The following TMEM108 variants were observed in gnomAD, a reference collection of about 807,000 sequenced individuals.
TMEM108 encodes cancer/testis antigen 124.
In TMEM108, 12 loss-of-function variants were observed where a neutral mutation model predicts 35.1. That is an observed-to-expected ratio of 0.34 (90% CI 0.22 to 0.55). The LOEUF is 0.55. Among genes scored for constraint, TMEM108 ranks in the 20% least tolerant of loss-of-function variants. TMEM108 has a pLI of 0.89. For synonymous variants in TMEM108, 287 were observed against 308.6 expected (o/e 0.93, Z 0.73); for missense variants, 680 against 753.3 (o/e 0.90, Z 1.14).
At chr3:133,226,166 T>C (rs1298998451) in intron 2 of TMEM108, among the ~76,000 whole-genome samples, 3 of 152,208 alleles carry the variant, frequency 2.0e-5, no homozygotes, top group Non-Finnish European at 4.4e-5. Context: ...GAAAGGAGTG[T>C]CTGGGTTAAG....
chr3:133,154,904 A>G (rs894243606), intron 2 of TMEM108, among the ~76,000 whole-genome samples: 2 of 152,140 alleles, frequency 1.3e-5, no homozygotes, highest in Non-Finnish European at 2.9e-5. Context: ...TTAGGTTTGG[A>G]GGTACATGTG....
chr3:133,182,753 C>T (rs1945365391), intron 2 of TMEM108, among the ~76,000 whole-genome samples: 1 of 152,180 alleles, frequency 6.6e-6, no homozygotes, highest in Admixed American at 6.5e-5. Flanking sequence ...AAGGAAGATA[C>T]CTCTTGTGTA....
intron 3 of TMEM108, among the ~76,000 whole-genome samples, chr3:133,355,733 G>C (rs1397319157): frequency 6.6e-6 from 1 of 152,122 alleles, no homozygotes; most frequent in Non-Finnish European, 1.5e-5. Flanking sequence ...CAAAAAGATT[G>C]GCAGTTACAC....
At chr3:133,126,478 G>GA (rs755936784) in intron 2 of TMEM108, among the ~76,000 whole-genome samples, 2,662 of 119,634 alleles carry the variant, frequency 0.022, 93 homozygotes, top group African/African-American at 0.073. Context: ...GCCCCCCCCA[G>GA]AAAAAAAAAA....
intron 2 of TMEM108, among the ~76,000 whole-genome samples, chr3:133,135,745 C>T (rs1199509396): frequency 3.9e-5 from 6 of 152,064 alleles, no homozygotes; most frequent in East Asian, 1.9e-4. Flanking sequence ...GACATTCGTG[C>T]GGTAAAATCT....
chr3:133,386,777 G>A lies in TMEM108; in HGVS notation c.1451-3403G>A, dbSNP rs371973624. On this transcript the variant is annotated intron_variant, in intron 4 of 5. Coordinates refer to ENST00000321871, the MANE Select transcript of TMEM108 (RefSeq NM_023943.4). ...TGCATATGTCATCTCTATACCCTCC[G>A]GTGTTCAGGACAATACAGGATAGTG... 2.0e-4 allele frequency: 216 copies of A among 1,065,912 alleles called. 5 individuals are homozygous for A. The South Asian group carries it at 5.8e-3, about 29-fold the overall frequency. 66.0% of individuals were successfully genotyped at this position (1,065,912 alleles called of 1,614,324 possible). A position where few individuals can be genotyped will look rare whatever the true frequency, so the allele number is the denominator to read the frequency against.
intron 3 of TMEM108, among the ~76,000 whole-genome samples, chr3:133,332,564 G>C (rs1490721736): frequency 6.6e-6 from 1 of 152,196 alleles, no homozygotes; most frequent in Non-Finnish European, 1.5e-5. Context: ...AGGTAAAATA[G>C]TGTTAGAACA....
At chr3:133,256,896 C>G (rs1946555380) in intron 3 of TMEM108, 2 of 152,116 alleles carry the variant, frequency 1.3e-5, no homozygotes, top group African/African-American at 4.8e-5. Flanking sequence ...AATGCAAAAG[C>G]CAGAAAATGA....
intron 2 of TMEM108, among the ~76,000 whole-genome samples, chr3:133,142,925 T>C (rs568814020): frequency 6.6e-6 from 1 of 152,318 alleles, no homozygotes; most frequent in Non-Finnish European, 1.5e-5. Context: ...GAAGAGGTTA[T>C]ATCTTGAATA....
intron 2 of TMEM108, among the ~76,000 whole-genome samples, chr3:133,154,044 TA>T (rs200413061): frequency 4.0e-4 from 60 of 151,810 alleles, no homozygotes; most frequent in Non-Finnish European, 6.8e-4. Context: ...TTTCGTTTTT[TA>T]AAAAAAAATT....
intron 2 of TMEM108, among the ~76,000 whole-genome samples, chr3:133,198,972 T>G (rs1945620374): frequency 6.6e-6 from 1 of 152,208 alleles, no homozygotes; most frequent in African/African-American, 2.4e-5. Flanking sequence ...CCATATTTCT[T>G]GGAGGCTTCG....
chr3:133,142,468 G>C lies in TMEM108; in HGVS notation c.-46-86798G>C, dbSNP rs113007404. Among the ~76,000 whole-genome samples, 167 of 152,260 alleles carry C rather than the reference G, an allele frequency of 1.1e-3. 2 individuals carry two copies. The highest frequency in any genetic ancestry group is 3.8e-3 in the African/African-American group (157 of 41,530). ...AGAGCAAGTATGTTTGTCAAGGTCC[G>C]TGAGAACATTACCTGCTCAGGGTGG... On this transcript the variant is annotated intron_variant, in intron 2 of 5. Coordinates refer to ENST00000321871, the MANE Select transcript of TMEM108 (RefSeq NM_023943.4).
At chr3:133,153,900 T>G (rs1944837946) in intron 2 of TMEM108, among the ~76,000 whole-genome samples, 1 of 152,130 alleles carries the variant, frequency 6.6e-6, no homozygotes, top group Non-Finnish European at 1.5e-5. Flanking sequence ...TAGTCACACT[T>G]TGCAGGCACT....
intron 3 of TMEM108, among the ~76,000 whole-genome samples, chr3:133,366,710 G>A (rs1423115699): frequency 1.1e-4 from 16 of 152,228 alleles, no homozygotes; most frequent in Non-Finnish European, 2.4e-4. Flanking sequence ...TAATTAAAAG[G>A]TGGAGGGTGA....
chr3:133,114,051 A>G (rs1031165290), intron 2 of TMEM108, among the ~76,000 whole-genome samples: 6 of 152,208 alleles, frequency 3.9e-5, no homozygotes, highest in Non-Finnish European at 8.8e-5. Context: ...AAAAAGCATA[A>G]TCAAAATGAT....
chr3:133,233,025 C>CT (rs1946176260), intron 3 of TMEM108, among the ~76,000 whole-genome samples: 1 of 124,366 alleles, frequency 8.0e-6, no homozygotes, highest in African/African-American at 2.8e-5. Flanking sequence ...TTACCACTTT[C>CT]GTTTTTTTTT....
At chr3:133,227,802 C>T (rs530829300) in intron 2 of TMEM108, among the ~76,000 whole-genome samples, 12 of 151,822 alleles carry the variant, frequency 7.9e-5, no homozygotes, top group African/African-American at 1.9e-4. Flanking sequence ...GGCTGAGGCA[C>T]GAGAATCACT....
At chr3:133,320,320 A>G (rs1278105393) in intron 3 of TMEM108, among the ~76,000 whole-genome samples, 1 of 151,570 alleles carries the variant, frequency 6.6e-6, no homozygotes, top group East Asian at 1.9e-4. Flanking sequence ...AGAAATAGCT[A>G]TCATAAAGAA....
At chr3:133,159,789 C>G (rs1324387559) in intron 2 of TMEM108, among the ~76,000 whole-genome samples, 1 of 152,198 alleles carries the variant, frequency 6.6e-6, no homozygotes, top group Non-Finnish European at 1.5e-5. Flanking sequence ...TCTAGGACCT[C>G]TCTTCTTTAA....
Sources: gnomAD v4.1 joint callset for allele counts (sites outside exome capture counted in the v4.1 genomes callset) on GRCh38, gnomAD v4.1.1 for gene constraint, MANE v1.5 for transcripts, NCBI Gene and HGNC (gene_info 2026-07-23, HGNC 2026-07-21) for gene names.